PARD3B: variants seen among roughly 807,000 people sequenced by gnomAD.
PARD3B encodes par-3 family cell polarity regulator beta, also known as partitioning defective 3 homolog B.
In PARD3B, 103 loss-of-function variants were observed where a neutral mutation model predicts 130.2. That is an observed-to-expected ratio of 0.79 (90% CI 0.67 to 0.93). The LOEUF is 0.93. PARD3B is among the 40% of genes least tolerant of loss of function. PARD3B has a pLI of 0.00. For synonymous variants in PARD3B, 583 were observed against 553.2 expected, an observed-to-expected ratio of 1.05 and a Z score of -0.76; for missense variants, 1,609 against 1,499.2, an observed-to-expected ratio of 1.07 and a Z score of -1.21.
At chr2:204,975,030 A>G (rs1214773562) in intron 3 of PARD3B, among the ~76,000 whole-genome samples, 2 of 152,148 alleles carry the variant, frequency 1.3e-5, no homozygotes, top group Non-Finnish European at 1.5e-5. Flanking sequence ...GCCAAGTTAT[A>G]TATTTTTATC....
At chr2:205,296,657 T>TTGTGTGTGTG (rs1559632249) in intron 16 of PARD3B, among the ~76,000 whole-genome samples, 3 of 138,128 alleles carry the variant, frequency 2.2e-5, no homozygotes, top group African/African-American at 9.3e-5. Context: ...TGGAGTGTGT[T>TTGTGTGTGTG]TGTGTATGTG....
chr2:205,430,347 T>C (rs189139117), intron 19 of PARD3B, among the ~76,000 whole-genome samples: 1 of 152,328 alleles, frequency 6.6e-6, no homozygotes, highest in East Asian at 1.9e-4. Context: ...CCATTCAACC[T>C]ACCAGAGTAC....
chr2:205,092,676 A>G (rs909894605), intron 4 of PARD3B, among the ~76,000 whole-genome samples: 3 of 152,210 alleles, frequency 2.0e-5, no homozygotes, highest in African/African-American at 7.2e-5. Flanking sequence ...AAGAGGTTCA[A>G]AACAGATTTT....
At chr2:204,724,755 G>A (rs539880636) in intron 2 of PARD3B, among the ~76,000 whole-genome samples, 33 of 142,592 alleles carry the variant, frequency 2.3e-4, no homozygotes, top group African/African-American at 7.4e-4. Flanking sequence ...GTTCATGATC[G>A]TATTATAGAG....
intron 16 of PARD3B, among the ~76,000 whole-genome samples, chr2:205,294,545 C>T (rs544028206): frequency 3.2e-4 from 49 of 152,150 alleles, no homozygotes; most frequent in Admixed American, 1.7e-3. Context: ...ACTTGAAGGG[C>T]CATGCTCATA....
chr2:205,172,113 CT>C, intron 11 of PARD3B, 97 bp from the exon 12 acceptor site: 4 of 1,280,022 alleles, frequency 3.1e-6, no homozygotes, highest in Non-Finnish European at 3.2e-6. Context: ...TTCTTTTTTT[CT>C]TTTTTTCATT....
intron 18 of PARD3B, among the ~76,000 whole-genome samples, chr2:205,355,616 C>A (rs1302197457): frequency 6.6e-6 from 1 of 152,136 alleles, no homozygotes; most frequent in Non-Finnish European, 1.5e-5. Flanking sequence ...ACTGAACAAT[C>A]ATGAGAGCCT....
chr2:204,645,987 T>C (rs2035257700), intron 1 of PARD3B, among the ~76,000 whole-genome samples: 1 of 152,156 alleles, frequency 6.6e-6, no homozygotes, highest in Non-Finnish European at 1.5e-5. Flanking sequence ...AGCTATAATG[T>C]GTCTCTCTTC....
Position 204,545,847 on chromosome 2 carries a change from G to T in PARD3B, c.-153G>T. The T allele has an allele frequency of 2.5e-6, 2 of 808,146 alleles. No individual in the cohort carries two copies. Among genetic ancestry groups the T allele is most frequent in the South Asian group, 5.0e-5 (2 of 39,690 alleles). The allele number at this position is 808,146 out of a possible 1,614,324, so 50.1% of individuals were successfully genotyped here. A position where few individuals can be genotyped will look rare whatever the true frequency, so the allele number is the denominator to read the frequency against. The stretch of plus-strand genomic sequence containing the variant: ...TGCCGCCTGGCCAGGTGGAAGGGGC[G>T]CTGCCGCGAGCCTCCGGGCCTCAGG... On this transcript the variant is annotated 5_prime_UTR_variant, in exon 1 of 23. Coordinates refer to ENST00000406610, the MANE Select transcript of PARD3B (RefSeq NM_001302769.2).
rs115230931 is a variant in PARD3B at position 204,749,655 on chromosome 2, C to T, written c.222+63373C>T. 4.7e-3 allele frequency among the ~76,000 whole-genome samples: 709 copies of T among 152,222 alleles called. 7 individuals are homozygous for T. Among genetic ancestry groups the T allele is most frequent in the South Asian group, 0.023 (111 of 4,814 alleles). ...CTGAATTATATTTCTCCTTGGTTCT[C>T]GATACGGTTTAAAAGCTAACCTGAA... is the stretch of plus-strand genomic sequence containing the variant. On this transcript the variant is annotated intron_variant, in intron 2 of 22. Coordinates refer to ENST00000406610, the MANE Select transcript of PARD3B (RefSeq NM_001302769.2).
chr2:204,759,473 G>A (rs2040811411), intron 2 of PARD3B, among the ~76,000 whole-genome samples: 1 of 151,982 alleles, frequency 6.6e-6, no homozygotes, highest in African/African-American at 2.4e-5. Context: ...TAAGCATAAT[G>A]TATTGTTTTG....
intron 1 of PARD3B, among the ~76,000 whole-genome samples, chr2:204,636,808 C>CA (rs966748189): frequency 1.3e-5 from 2 of 152,114 alleles, no homozygotes; most frequent in African/African-American, 4.8e-5. Context: ...TACTGTTTTA[C>CA]AACTGCATTC....
chr2:204,573,092 A>G (rs114458551), intron 1 of PARD3B, among the ~76,000 whole-genome samples: 97 of 152,346 alleles, frequency 6.4e-4, no homozygotes, highest in Admixed American at 2.0e-3. Context: ...GCTGGTGGCT[A>G]TACCATTCAA....
chr2:205,217,854 G>T (rs1193948586), intron 15 of PARD3B, among the ~76,000 whole-genome samples: 1 of 75,366 alleles, frequency 1.3e-5, no homozygotes, highest in South Asian at 4.1e-4. Context: ...ATGTGTGTGT[G>T]TGTGTGTGTG....
chr2:205,330,809 G>C (rs1478144980), intron 18 of PARD3B, among the ~76,000 whole-genome samples: 1 of 152,166 alleles, frequency 6.6e-6, no homozygotes, highest in Non-Finnish European at 1.5e-5. Flanking sequence ...AGCAAGAAGG[G>C]TTAGAGAAAG....
chr2:205,115,572 A>C lies in PARD3B; in HGVS notation c.680+1995A>C, dbSNP rs144918684. 7.0e-3 allele frequency among the ~76,000 whole-genome samples: 1,073 copies of C among 152,244 alleles called. 11 individuals are homozygous for C. The highest frequency in any genetic ancestry group is 0.011 in the Non-Finnish European group (720 of 68,012). The stretch of plus-strand genomic sequence containing the variant: ...ACTTGGTGAAATAGTTCTATTATTT[A>C]TTTTTTGCTATCCACCAGTATTATA... On this transcript the variant is annotated intron_variant, in intron 6 of 22. Coordinates refer to ENST00000406610, the MANE Select transcript of PARD3B (RefSeq NM_001302769.2).
chr2:204,946,573 T>C (rs1689338423), intron 2 of PARD3B, among the ~76,000 whole-genome samples: 1 of 152,222 alleles, frequency 6.6e-6, no homozygotes, highest in Admixed American at 6.5e-5. Flanking sequence ...TCTTGGACTT[T>C]GTTCTAATGC....
chr2:204,826,378 G>A (rs568600271), intron 2 of PARD3B, among the ~76,000 whole-genome samples: 1 of 152,282 alleles, frequency 6.6e-6, no homozygotes, highest in East Asian at 1.9e-4. Flanking sequence ...GCACTTGGTA[G>A]AGACAGGGAT....
chr2:205,286,723 A>T (rs755965042), intron 16 of PARD3B, among the ~76,000 whole-genome samples: 15 of 152,198 alleles, frequency 9.9e-5, no homozygotes, highest in African/African-American at 1.4e-4. Context: ...TTGAGTAGTC[A>T]TGAGAATACC....
Sources: gnomAD v4.1 joint callset for allele counts (sites outside exome capture counted in the v4.1 genomes callset) on GRCh38, gnomAD v4.1.1 for gene constraint, MANE v1.5 for transcripts, NCBI Gene and HGNC (gene_info 2026-07-23, HGNC 2026-07-21) for gene names.